The following B3GNT5 variants were observed in gnomAD, a reference collection of about 807,000 sequenced individuals.
The protein encoded by B3GNT5 is UDP-GlcNAc:betaGal beta-1,3-N-acetylglucosaminyltransferase 5.
In B3GNT5, 11 loss-of-function variants were observed where a neutral mutation model predicts 25.9. The ratio of observed to expected loss-of-function variants is 0.42; its 90% CI spans 0.27 to 0.70. The LOEUF (loss-of-function observed/expected upper bound fraction) is 0.70. B3GNT5 is among the 30% of genes least tolerant of loss of function. B3GNT5 has a pLI of 0.23. For missense variants in B3GNT5, 385 were observed against 458.4 expected, an observed-to-expected ratio of 0.84 and a Z score of 1.46; for synonymous variants, 166 against 158.6, an observed-to-expected ratio of 1.05 and a Z score of -0.35.
Position 183,271,015 on chromosome 3 carries a change from C to T in B3GNT5, c.*80C>T, listed in dbSNP as rs1560391296. 7.6e-7 allele frequency: 1 copy of T among 1,324,140 alleles called. No homozygotes were observed. Among genetic ancestry groups the T allele is most frequent in the East Asian group, 2.4e-5 (1 of 41,198 alleles). 82.0% of individuals were successfully genotyped at this position (1,324,140 alleles called of 1,614,324 possible). Reference sequence around the variant, plus strand: ...AAACCTTTAAATGTTCGTCTATACCCTAAGTAAAATGAGGACGAAAGACAA... The same window carrying T: ...AAACCTTTAAATGTTCGTCTATACCTTAAGTAAAATGAGGACGAAAGACAA... On this transcript the variant is annotated 3_prime_UTR_variant, in exon 2 of 2. Transcript: ENST00000326505.
At chr3:183,269,162 T>C (rs1466007433) in intron 1 of B3GNT5, among the ~76,000 whole-genome samples, 1 of 151,684 alleles carries the variant, frequency 6.6e-6, no homozygotes, top group Non-Finnish European at 1.5e-5. Context: ...TTCAAGTCAG[T>C]ATATTCATGA....
At chr3:183,263,892 G>T (rs2108427655) in intron 1 of B3GNT5, among the ~76,000 whole-genome samples, 1 of 152,092 alleles carries the variant, frequency 6.6e-6, no homozygotes, top group African/African-American at 2.4e-5. Context: ...TGATTTTCTT[G>T]AAAGGGCCTT....
At chr3:183,266,296 C>T (rs1171008082) in intron 1 of B3GNT5, among the ~76,000 whole-genome samples, 1 of 152,210 alleles carries the variant, frequency 6.6e-6, no homozygotes, top group Non-Finnish European at 1.5e-5. Context: ...GCTTGCCGGG[C>T]ACAGCTGCTC....
chr3:183,262,399 G>A (rs1725694993), intron 1 of B3GNT5, among the ~76,000 whole-genome samples: 4 of 152,076 alleles, frequency 2.6e-5, no homozygotes, highest in Admixed American at 2.6e-4. Context: ...CAGGGTTGGA[G>A]CCTGTCTTGG....
intron 1 of B3GNT5, among the ~76,000 whole-genome samples, chr3:183,262,624 T>C (rs1725719722): frequency 6.6e-6 from 1 of 150,602 alleles, no homozygotes; most frequent in Admixed American, 6.6e-5. Context: ...AGGGAGCCCA[T>C]GAGGAGGCGG....
At position 183,270,151 on chromosome 3, in the gene B3GNT5, G is replaced by A. The variant is rs772096430; in HGVS notation, c.353G>A (p.Arg118Gln). 3.9e-5 allele frequency: 63 copies of A among 1,614,058 alleles called. No individual in the cohort carries two copies. The highest frequency in any genetic ancestry group is 9.9e-5 in the South Asian group (9 of 91,062). Residue 118 changes from arginine (R) to glutamine (Q), a missense_variant, in exon 2 of 2, where the codon CGG becomes CAG. Arg to Gln is a conservative substitution (Grantham distance 43). Coordinates refer to ENST00000326505, the MANE Select transcript of B3GNT5 (RefSeq NM_032047.5). This position sits in a 1 kb window ranked among gnomAD's most constrained non-coding sequence, Gnocchi z 4.5. ...RRTWGNENYV[R>Q]SQLNANIKTL... ...ACGTGGGGCAATGAAAATTATGTTCGGTCTCAGCTGAATGCCAACATCAAA... is the reference window on the plus strand; with the variant it reads ...ACGTGGGGCAATGAAAATTATGTTCAGTCTCAGCTGAATGCCAACATCAAA...
At chr3:183,268,759 T>C (rs913929583) in intron 1 of B3GNT5, among the ~76,000 whole-genome samples, 7 of 152,176 alleles carry the variant, frequency 4.6e-5, no homozygotes, top group Non-Finnish European at 7.3e-5. Context: ...CTGCGCATGA[T>C]ATGGTACAAG....
chr3:183,261,046 A>T (rs1725533263), intron 1 of B3GNT5, among the ~76,000 whole-genome samples: 1 of 152,228 alleles, frequency 6.6e-6, no homozygotes, highest in Admixed American at 6.5e-5. Flanking sequence ...AGTTGCAAAG[A>T]TATCTAATGT....
In B3GNT5 at chr3:183,270,002, A is replaced by C; in HGVS notation, c.204A>C (p.Ser68=). 1 of 1,614,150 alleles carries C rather than the reference A, an allele frequency of 6.2e-7. No homozygotes were observed. Reference sequence around the variant, plus strand: ...ATACCCTGTCTCTTAAGCACACCTCAGCGGGGCCTCGCTACCAATACTTGA... The same window carrying C: ...ATACCCTGTCTCTTAAGCACACCTCCGCGGGGCCTCGCTACCAATACTTGA... ...VNDTLSLKHT[S]AGPRYQYLIN... Residue 68 remains serine, a synonymous_variant, in exon 2 of 2, where the codon TCA becomes TCC. Transcript: ENST00000326505. The surrounding 1 kb of genome is among the most constrained non-coding windows in gnomAD (Gnocchi z 4.5).
rs141482244 is a variant in B3GNT5, at chr3:183,270,825, A to G, written c.1027A>G (p.Thr343Ala). ...WKNATDPKVK[T>A]ISKGFFGQIY... Reference sequence around the variant, plus strand: ...GAATGCTACAGATCCTAAAGTAAAAACCATTTCCAAAGGTTTTTTTGGTCA... The same window carrying G: ...GAATGCTACAGATCCTAAAGTAAAAGCCATTTCCAAAGGTTTTTTTGGTCA... The change falls in exon 2 of 2, where the codon ACC (threonine) becomes GCC (alanine). Residue 343 changes from threonine (T) to alanine (A), a missense_variant. Thr to Ala is a moderately conservative substitution (Grantham distance 58). Transcript: ENST00000326505. The surrounding 1 kb of genome is among the most constrained non-coding windows in gnomAD (Gnocchi z 4.5). 65 of 1,613,830 alleles carry G rather than the reference A, an allele frequency of 4.0e-5. No individual in the cohort carries two copies. In the African/African-American group the frequency reaches 6.8e-4, roughly 17 times the overall value.
In B3GNT5 at chr3:183,272,206, C is replaced by T. The variant is rs1322950032; in HGVS notation, c.*1271C>T. Reference sequence around the variant, plus strand: ...GTCTGAGATCTAATAGAGTAAGTTACATTTATTTTACAAAGCAGGATAAAA... The same window carrying T: ...GTCTGAGATCTAATAGAGTAAGTTATATTTATTTTACAAAGCAGGATAAAA... On this transcript the variant is annotated 3_prime_UTR_variant, in exon 2 of 2. Coordinates refer to ENST00000326505, the MANE Select transcript of B3GNT5 (RefSeq NM_032047.5). 10 of 999,814 alleles carry T rather than the reference C, an allele frequency of 1.0e-5. 1 individual carries two copies. In the African/African-American group the frequency reaches 1.6e-4, roughly 16 times the overall value. The allele number at this position is 999,814 out of a possible 1,614,324, so 61.9% of individuals were successfully genotyped here.
Position 183,269,884 on chromosome 3 carries a change from TG to T in B3GNT5, c.87del (p.Met29IlefsTer12), listed in dbSNP as rs1299212670. 14 of 1,613,992 alleles carry T rather than the reference TG, an allele frequency of 8.7e-6. No individual in the cohort carries two copies. The highest frequency in any genetic ancestry group is 1.2e-5 in the Non-Finnish European group (14 of 1,180,020). ...GCTACTTGTTTTTTAGCGAGCCTCA[TG>T]TTTTTTTGGGAACCAATCGATAATC... ...LFATCFLASLMFFWEPIDNHI... is the reference protein window; with the variant it reads ...LFATCFLASLXFFWEPIDNHI... On this transcript the variant is annotated frameshift_variant, in exon 2 of 2. Transcript: ENST00000326505. LOFTEE classifies it high-confidence loss of function.
chr3:183,255,153 C>A (rs1353211636), intron 1 of B3GNT5, among the ~76,000 whole-genome samples: 1 of 152,134 alleles, frequency 6.6e-6, no homozygotes, highest in African/African-American at 2.4e-5. Context: ...GAAACCTTGC[C>A]TGTTCCCTGT....
At chr3:183,264,458 T>C (rs760391000) in intron 1 of B3GNT5, among the ~76,000 whole-genome samples, 1 of 152,202 alleles carries the variant, frequency 6.6e-6, no homozygotes, top group Non-Finnish European at 1.5e-5. Context: ...GAACTACGAG[T>C]CTTGTCACAA....
chr3:183,268,583 A>G (rs1047177167), intron 1 of B3GNT5, among the ~76,000 whole-genome samples: 9 of 152,228 alleles, frequency 5.9e-5, no homozygotes, highest in Non-Finnish European at 1.0e-4. Context: ...AAACAGGAAC[A>G]GCAGGTTTTA....
At chr3:183,263,896 G>T (rs1359161550) in intron 1 of B3GNT5, among the ~76,000 whole-genome samples, 1 of 152,056 alleles carries the variant, frequency 6.6e-6, no homozygotes, top group Non-Finnish European at 1.5e-5. Flanking sequence ...TTTCTTGAAA[G>T]GGCCTTCTTT....
chr3:183,256,791 A>G (rs1403148095), intron 1 of B3GNT5, among the ~76,000 whole-genome samples: 1 of 152,130 alleles, frequency 6.6e-6, no homozygotes, highest in East Asian at 1.9e-4. Context: ...ATAATCTTAT[A>G]CCTGTGTCAT....
At chr3:183,254,317 G>A (rs917585438) in intron 1 of B3GNT5, 3 of 151,852 alleles carry the variant, frequency 2.0e-5, no homozygotes, top group Non-Finnish European at 4.4e-5. Flanking sequence ...GACCGCGCAC[G>A]GCCCAGCGCC....
intron 1 of B3GNT5, among the ~76,000 whole-genome samples, chr3:183,263,979 C>A (rs1349623525): frequency 6.6e-6 from 1 of 152,152 alleles, no homozygotes; most frequent in Non-Finnish European, 1.5e-5. Context: ...TCAGTGTGAG[C>A]CCTTGAGAAA....
Sources: allele counts gnomAD v4.1 joint callset (sites outside exome capture counted in the v4.1 genomes callset), GRCh38; gene constraint gnomAD v4.1.1; non-coding constraint Gnocchi (gnomAD v3.1); transcripts MANE v1.5; gene names NCBI Gene and HGNC (gene_info 2026-07-23, HGNC 2026-07-21).